PPP2R5C: variants seen among roughly 807,000 people sequenced by gnomAD.
PPP2R5C encodes protein phosphatase 2 regulatory subunit B'gamma, also known as serine/threonine-protein phosphatase 2A 56 kDa regulatory subunit gamma isoform.
Under a neutral mutation model 68.9 loss-of-function variants are expected in PPP2R5C, and 7 were observed. The observed-to-expected ratio is 0.10, with a 90% CI of 0.06 to 0.19. PPP2R5C has a LOEUF of 0.19. PPP2R5C is among the 10% of genes least tolerant of loss of function. PPP2R5C has a pLI of 1.00. For synonymous variants in PPP2R5C, 210 were observed against 222.2 expected (o/e 0.95, Z 0.49); for missense variants, 348 against 641.3 (o/e 0.54, Z 4.94).
chr14:101,861,751 A>T lies in PPP2R5C; in HGVS notation c.294+4866A>T, dbSNP rs147031184. On this transcript the variant is annotated intron_variant, in intron 2 of 13. Coordinates refer to ENST00000334743, the Ensembl canonical transcript of PPP2R5C. ...CCAAACATGCCGCTGTTTTCATGGA[A>T]CACCATTTTTACCTGAAAACTGACA... 2.6e-3 allele frequency among the ~76,000 whole-genome samples: 399 copies of T among 152,302 alleles called. 3 individuals carry two copies. Among genetic ancestry groups the T allele is most frequent in the African/African-American group, 8.5e-3 (353 of 41,568 alleles).
chr14:101,770,632 A>G (rs900979559), intron 2 of PPP2R5C, among the ~76,000 whole-genome samples: 5 of 152,266 alleles, frequency 3.3e-5, no homozygotes, highest in African/African-American at 1.2e-4. Flanking sequence ...AGATAAGATC[A>G]GCATTCCTCT....
At chr14:101,848,007 C>G (rs1471669745) in intron 1 of PPP2R5C, among the ~76,000 whole-genome samples, 1 of 152,130 alleles carries the variant, frequency 6.6e-6, no homozygotes, top group Non-Finnish European at 1.5e-5. Context: ...GTTCTTATAT[C>G]CCAATTGCTC....
intron 1 of PPP2R5C, among the ~76,000 whole-genome samples, chr14:101,826,751 G>T (rs533155012): frequency 6.6e-6 from 1 of 152,116 alleles, no homozygotes; most frequent in African/African-American, 2.4e-5. Flanking sequence ...GTTAGAATCA[G>T]TTAGACTAGG....
chr14:101,826,158 A>T (rs888508752), intron 1 of PPP2R5C, among the ~76,000 whole-genome samples: 2 of 151,670 alleles, frequency 1.3e-5, no homozygotes, highest in African/African-American at 2.4e-5. Flanking sequence ...TTAGAGGAAG[A>T]CCAGTTTATC....
At chr14:101,771,369 C>T (rs1311510510) in intron 2 of PPP2R5C, among the ~76,000 whole-genome samples, 1 of 151,860 alleles carries the variant, frequency 6.6e-6, no homozygotes, top group Non-Finnish European at 1.5e-5. Context: ...ATTCTCCTGC[C>T]TCAGCCTCCC....
intron 2 of PPP2R5C, among the ~76,000 whole-genome samples, chr14:101,763,527 C>T (rs1191618283): frequency 3.9e-5 from 6 of 152,106 alleles, no homozygotes; most frequent in Non-Finnish European, 7.4e-5. Context: ...GGATTACAGG[C>T]ACCCGCTACC....
rs1171585363 is a variant in PPP2R5C at position 101,916,722 on chromosome 14, T to G, written c.1327-1109T>G. Among the ~76,000 whole-genome samples, 32 of 142,160 alleles carry G rather than the reference T, an allele frequency of 2.3e-4. No homozygotes were observed. Among genetic ancestry groups the G allele is most frequent in the African/African-American group, 3.9e-4 (15 of 38,188 alleles). 93.3% of individuals were successfully genotyped at this position (142,160 alleles called of 152,430 possible). A position where few individuals can be genotyped will look rare whatever the true frequency, so the allele number is the denominator to read the frequency against. ...GGGGCAGGGGTGAGGGGGCAGGGGGTGAGAGGCAGGGGTGAAGCAGGTCAG... is the reference window on the plus strand; with the variant it reads ...GGGGCAGGGGTGAGGGGGCAGGGGGGGAGAGGCAGGGGTGAAGCAGGTCAG... On this transcript the variant is annotated intron_variant, in intron 12 of 13. Coordinates refer to ENST00000334743, the Ensembl canonical transcript of PPP2R5C. The surrounding 1 kb of genome is among the most constrained non-coding windows in gnomAD (Gnocchi z 5.5).
rs367834588 is a variant in PPP2R5C, at chr14:101,919,993, C to CAAAAAAAAAAAA, written c.1443+2046_1443+2047insAAAAAAAAAAAA. On this transcript the variant is annotated intron_variant, in intron 13 of 13. Coordinates refer to ENST00000334743, the Ensembl canonical transcript of PPP2R5C. ...TCAAAAAAAAAAAAAAAAAAAAAAA[C>CAAAAAAAAAAAA]CAATTCTTACACATTAAATAGCTTA... Among the ~76,000 whole-genome samples, 412 of 117,392 alleles carry CAAAAAAAAAAAA rather than the reference C, an allele frequency of 3.5e-3. 3 individuals carry two copies. Among genetic ancestry groups the CAAAAAAAAAAAA allele is most frequent in the African/African-American group, 0.012 (323 of 27,626 alleles). The allele number at this position is 117,392 out of a possible 152,430, so 77.0% of individuals were successfully genotyped here.
chr14:101,868,478 T>C (rs2140735925), intron 2 of PPP2R5C, among the ~76,000 whole-genome samples: 1 of 152,370 alleles, frequency 6.6e-6, no homozygotes, highest in South Asian at 2.1e-4. Context: ...TTCATGTTTA[T>C]TGTATTTTCA....
intron 1 of PPP2R5C, among the ~76,000 whole-genome samples, chr14:101,817,326 T>C (rs944236751): frequency 3.9e-5 from 6 of 152,114 alleles, no homozygotes; most frequent in African/African-American, 1.4e-4. Flanking sequence ...GTGAAGGAAA[T>C]ATCTTTAAAA....
chr14:101,763,066 G>T, intron 2 of PPP2R5C, 96 bp downstream of exon 2: 8 of 1,078,800 alleles, frequency 7.4e-6, no homozygotes, highest in East Asian at 5.3e-5. Context: ...CTTCTAAAAT[G>T]TTTCCCTATG....
intron 3 of PPP2R5C, among the ~76,000 whole-genome samples, chr14:101,804,057 G>A (rs2140152764): frequency 6.6e-6 from 1 of 152,262 alleles, no homozygotes; most frequent in Non-Finnish European, 1.5e-5. Flanking sequence ...ATCACAAGAT[G>A]GGCAAAAGAT....
intron 3 of PPP2R5C, among the ~76,000 whole-genome samples, chr14:101,787,578 A>AC (rs2038164492): frequency 7.0e-6 from 1 of 143,640 alleles, no homozygotes; most frequent in African/African-American, 2.7e-5. Context: ...CCTGGCTAAC[A>AC]TGGTGAAACC....
exon 14 of PPP2R5C, chr14:101,927,134 A>T (rs2047316719): frequency 6.6e-6 from 1 of 152,168 alleles, no homozygotes; most frequent in South Asian, 2.1e-4. Flanking sequence ...ATTCTCAAAT[A>T]TCCTTGATTT....
At chr14:101,802,063 AAC>A (rs984303299) in intron 3 of PPP2R5C, among the ~76,000 whole-genome samples, 28 of 152,326 alleles carry the variant, frequency 1.8e-4, no homozygotes, top group African/African-American at 6.5e-4. Context: ...CAATGGGGAA[AAC>A]ACAGTCTTTT....
rs1324717641 is a variant in PPP2R5C at position 101,916,009 on chromosome 14, C to G, written c.1327-1822C>G. 6.6e-6 allele frequency among the ~76,000 whole-genome samples: 1 copy of G among 152,060 alleles called. No individual in the cohort carries two copies. ...GACACAGTGGGTGACAGGTGTCGGT[C>G]CTGGTGGGGTGTCAGTTATGGGGTG... On this transcript the variant is annotated intron_variant, in intron 12 of 13. Transcript: ENST00000334743. This position sits in a 1 kb window ranked among gnomAD's most constrained non-coding sequence, Gnocchi z 5.5.
At chr14:101,849,257 T>A (rs947180228) in intron 1 of PPP2R5C, among the ~76,000 whole-genome samples, 22 of 152,092 alleles carry the variant, frequency 1.4e-4, no homozygotes, top group African/African-American at 5.3e-4. Context: ...TGTCGTGAGG[T>A]GGTATGCCAG....
chr14:101,884,586 C>T (rs1291486906), intron 5 of PPP2R5C, among the ~76,000 whole-genome samples: 3 of 152,232 alleles, frequency 2.0e-5, no homozygotes, highest in African/African-American at 7.2e-5. Flanking sequence ...GGGAAAGCCC[C>T]GCTGGAGCAG....
chr14:101,867,810 A>G (rs1376124640), intron 2 of PPP2R5C, among the ~76,000 whole-genome samples: 1 of 152,202 alleles, frequency 6.6e-6, no homozygotes. Context: ...AAGATAAAAT[A>G]AAAACAAGCT....
Sources: allele counts gnomAD v4.1 joint callset (sites outside exome capture counted in the v4.1 genomes callset), GRCh38; gene constraint gnomAD v4.1.1; non-coding constraint Gnocchi (gnomAD v3.1); transcripts MANE v1.5; gene names NCBI Gene and HGNC (gene_info 2026-07-23, HGNC 2026-07-21).